The following PDE1C variants were observed in gnomAD, a reference collection of about 807,000 sequenced individuals.
The protein encoded by PDE1C is phosphodiesterase 1C, also known as dual specificity calcium/calmodulin-dependent 3',5'-cyclic nucleotide phosphodiesterase 1C.
PDE1C carries 62 observed loss-of-function variants against 93.1 expected under a neutral mutation model. The observed-to-expected ratio is 0.67, with a 90% confidence interval of 0.54 to 0.82. The LOEUF is 0.82. Among genes scored for constraint, PDE1C ranks in the 40% least tolerant of loss-of-function variants. The pLI is 0.00. For missense variants in PDE1C, 742 were observed against 884.6 expected (o/e 0.84, Z 2.04); for synonymous variants, 325 against 310.1 (o/e 1.05, Z -0.50).
rs541881898 is a variant in PDE1C, at chr7:31,771,370, C to G, written c.1960+4294G>C. On this transcript the variant is annotated intron_variant, in intron 17 of 17. Coordinates refer to ENST00000396191, the MANE Select transcript of PDE1C (RefSeq NM_001191057.4). ...ACCAGGGTTCACATTTCTCCACACC[C>G]TCACCAATACCTGCTATTTGCTGTT... is the stretch of plus-strand genomic sequence containing the variant. Among the ~76,000 whole-genome samples, 5 of 152,346 alleles carry G rather than the reference C, an allele frequency of 3.3e-5. No individual in the cohort carries two copies. In the East Asian group the frequency reaches 9.7e-4, roughly 29 times the overall value.
At chr7:32,294,014 G>A (rs113359493) in intron 1 of PDE1C, among the ~76,000 whole-genome samples, 2 of 152,072 alleles carry the variant, frequency 1.3e-5, no homozygotes, top group Non-Finnish European at 2.9e-5. Context: ...GGGCTGGAGA[G>A]TGGGCCACAC....
At chr7:31,975,389 G>T (rs778111791) in intron 2 of PDE1C, among the ~76,000 whole-genome samples, 1 of 151,968 alleles carries the variant, frequency 6.6e-6, no homozygotes, top group African/African-American at 2.4e-5. Context: ...CAAAATGTCC[G>T]TGTAGCACCA....
At chr7:32,034,038 G>A (rs1188532471) in intron 2 of PDE1C, among the ~76,000 whole-genome samples, 2 of 143,170 alleles carry the variant, frequency 1.4e-5, no homozygotes, top group Non-Finnish European at 3.0e-5. Context: ...TTAATCAGTG[G>A]TAGTAAGATG....
intron 2 of PDE1C, among the ~76,000 whole-genome samples, chr7:31,934,988 AT>A (rs1804837363): frequency 1.3e-5 from 2 of 152,346 alleles, no homozygotes; most frequent in South Asian, 4.1e-4. Flanking sequence ...ATAGTGCTAC[AT>A]TGTTAAACTA....
At chr7:31,899,855 A>C (rs772372815) in intron 2 of PDE1C, among the ~76,000 whole-genome samples, 4 of 152,140 alleles carry the variant, frequency 2.6e-5, no homozygotes, top group Admixed American at 1.3e-4. Context: ...GGGGGGTTGC[A>C]ATTCTGTCCC....
the PDE1C span, among the ~76,000 whole-genome samples, chr7:31,650,323 G>A: frequency 1.9e-4 from 29 of 152,290 alleles, 1 homozygote; most frequent in East Asian, 9.6e-4. Context: ...GGAGGTTAAG[G>A]TCATCCCAGG....
At chr7:31,997,239 A>T (rs899540984) in intron 2 of PDE1C, among the ~76,000 whole-genome samples, 2 of 152,176 alleles carry the variant, frequency 1.3e-5, no homozygotes, top group African/African-American at 4.8e-5. Context: ...CAAGCTTTTA[A>T]TTTCTTACCT....
chr7:32,130,406 C>T (rs1799849946), intron 3 of PDE1C, among the ~76,000 whole-genome samples: 1 of 152,088 alleles, frequency 6.6e-6, no homozygotes, highest in African/African-American at 2.4e-5. Context: ...CCCTTTCTCT[C>T]CTTCCTCTCT....
intron 17 of PDE1C, among the ~76,000 whole-genome samples, chr7:31,759,859 T>TTCTC (rs145067383): frequency 6.7e-6 from 1 of 150,276 alleles, no homozygotes. Context: ...CTATCTTTTG[T>TTCTC]TCTCTCTCTC....
chr7:32,208,291 T>C (rs1805753289), intron 2 of PDE1C, among the ~76,000 whole-genome samples: 1 of 152,108 alleles, frequency 6.6e-6, no homozygotes, highest in Non-Finnish European at 1.5e-5. Context: ...TGTAATAAGA[T>C]TTACTATGGC....
At chr7:31,967,750 C>T (rs1584246995) in intron 2 of PDE1C, among the ~76,000 whole-genome samples, 1 of 152,296 alleles carries the variant, frequency 6.6e-6, no homozygotes, top group East Asian at 1.9e-4. Context: ...CATCAAAAAG[C>T]TTATCCACCA....
At chr7:32,096,848 TAGATAGATAGATAGAC>T (rs1474348353) in intron 3 of PDE1C, among the ~76,000 whole-genome samples, 1 of 151,322 alleles carries the variant, frequency 6.6e-6, no homozygotes, top group Non-Finnish European at 1.5e-5. Context: ...GATAGATAGA[TAGATAGATAGATAGAC>T]AGACAGATCA....
At chr7:31,710,164 TAAAGA>T in the PDE1C span, among the ~76,000 whole-genome samples, 2 of 151,796 alleles carry the variant, frequency 1.3e-5, no homozygotes, top group African/African-American at 4.8e-5. Context: ...AAAAAGAAAC[TAAAGA>T]AAAGAAATTA....
intron 2 of PDE1C, among the ~76,000 whole-genome samples, chr7:31,921,874 ATGT>A (rs1290082245): frequency 6.6e-6 from 1 of 152,212 alleles, no homozygotes; most frequent in Non-Finnish European, 1.5e-5. Context: ...CAGAACATTG[ATGT>A]TGTATCAAGC....
At chr7:32,327,507 A>G (rs1445620116) in intron 1 of PDE1C, among the ~76,000 whole-genome samples, 1 of 152,174 alleles carries the variant, frequency 6.6e-6, no homozygotes, top group Admixed American at 6.5e-5. Context: ...AAAGAATCAC[A>G]TATGTAATCC....
chr7:31,762,444 G>T (rs1260895109), intron 17 of PDE1C, among the ~76,000 whole-genome samples: 1 of 152,066 alleles, frequency 6.6e-6, no homozygotes, highest in African/African-American at 2.4e-5. Context: ...GGGTTCAAGT[G>T]ATCTCCCACC....
chr7:32,033,656 G>T (rs1182802600), intron 2 of PDE1C, among the ~76,000 whole-genome samples: 1 of 151,758 alleles, frequency 6.6e-6, no homozygotes, highest in Non-Finnish European at 1.5e-5. Context: ...ACTCCACCAG[G>T]TTCTCTCTCT....
At chr7:32,282,107 T>A in intron 1 of PDE1C, among the ~76,000 whole-genome samples, 1 of 150,456 alleles carries the variant, frequency 6.6e-6, no homozygotes, top group East Asian at 2.0e-4. Flanking sequence ...TGTATACATA[T>A]GTAACAAAAC....
rs866035366 is a variant in PDE1C at position 31,815,938 on chromosome 7, T to C, written c.1799A>G (p.Glu600Gly). The C allele has an allele frequency of 3.7e-6, 6 of 1,611,706 alleles. No homozygotes were observed. The African/African-American group carries it at 6.7e-5, about 18-fold the overall frequency. ...KNSKAEKSSG[E>G]QQQNGDFKDG... The stretch of plus-strand genomic sequence containing the variant: ...AGTCTACTCACCATTCTGTTGCTGT[T>C]CTCCTGATGACTTCTCGGCTTTGGA... Residue 600 changes from glutamate to glycine, a missense_variant, in exon 15 of 18, where the codon GAA becomes GGA. Physicochemically the swap from Glu to Gly is moderately conservative, Grantham distance 98. Transcript: ENST00000396191.
Sources: gnomAD v4.1 joint callset for allele counts (sites outside exome capture counted in the v4.1 genomes callset) on GRCh38, gnomAD v4.1.1 for gene constraint, MANE v1.5 for transcripts, NCBI Gene and HGNC (gene_info 2026-07-23, HGNC 2026-07-21) for gene names.